MYO3B: variants seen among roughly 807,000 people sequenced by gnomAD.
MYO3B encodes myosin-IIIb.
Under a neutral mutation model 174.6 loss-of-function variants are expected in MYO3B, and 156 were observed. The ratio of observed to expected loss-of-function variants is 0.89; its 90% CI spans 0.78 to 1.02. MYO3B has a LOEUF of 1.02. Ranked by LOEUF, MYO3B falls within the 50% of genes least tolerant of loss-of-function variation. The probability of loss-of-function intolerance (pLI) is 0.00; values close to 1 mark genes in which losing one functional copy is unlikely to be tolerated. For synonymous variants in MYO3B, 563 were observed against 569.1 expected, an observed-to-expected ratio of 0.99 and a Z score of 0.15; for missense variants, 1,632 against 1,639.4, an observed-to-expected ratio of 1.00 and a Z score of 0.08.
At chr2:170,296,334 C>G (rs2093628590) in intron 7 of MYO3B, among the ~76,000 whole-genome samples, 1 of 152,106 alleles carries the variant, frequency 6.6e-6, no homozygotes, top group Non-Finnish European at 1.5e-5. Context: ...TGTGTAGAAG[C>G]TGGAGGTGAA....
At chr2:170,485,653 T>C (rs1686005111) in intron 25 of MYO3B, among the ~76,000 whole-genome samples, 1 of 152,192 alleles carries the variant, frequency 6.6e-6, no homozygotes, top group Non-Finnish European at 1.5e-5. Flanking sequence ...TATTTCCAGT[T>C]GTTTGCTAGC....
chr2:170,546,536 T>G (rs1690496009), intron 32 of MYO3B, among the ~76,000 whole-genome samples: 1 of 152,242 alleles, frequency 6.6e-6, no homozygotes, highest in Non-Finnish European at 1.5e-5. Context: ...TTCATTTTGT[T>G]GCTATTGCTG....
intron 7 of MYO3B, among the ~76,000 whole-genome samples, chr2:170,251,199 C>A (rs971207258): frequency 6.6e-6 from 1 of 152,064 alleles, no homozygotes. Context: ...TATACAGTTT[C>A]TTTGATTCTT....
chr2:170,224,938 C>A (rs1341166796), intron 6 of MYO3B, among the ~76,000 whole-genome samples: 1 of 152,128 alleles, frequency 6.6e-6, no homozygotes, highest in African/African-American at 2.4e-5. Context: ...GTTAATTATG[C>A]CATTCCTAGT....
At chr2:170,277,285 C>T (rs1347393627) in intron 7 of MYO3B, among the ~76,000 whole-genome samples, 1 of 152,198 alleles carries the variant, frequency 6.6e-6, no homozygotes, top group Non-Finnish European at 1.5e-5. Flanking sequence ...GTTGTTAGAG[C>T]ATATTGTGCT....
At chr2:170,390,508 G>C (rs150498162) in intron 14 of MYO3B, among the ~76,000 whole-genome samples, 1,929 of 152,346 alleles carry the variant, frequency 0.013, 31 homozygotes, top group African/African-American at 0.042. Flanking sequence ...CAGGGATAAA[G>C]AATGTCACAG....
intron 32 of MYO3B, among the ~76,000 whole-genome samples, chr2:170,638,687 A>G (rs1385035871): frequency 6.6e-6 from 1 of 152,190 alleles, no homozygotes; most frequent in Admixed American, 6.5e-5. Flanking sequence ...CTCACTGCAC[A>G]CAGATGTTCA....
chr2:170,191,061 A>G (rs1286036084), intron 1 of MYO3B, among the ~76,000 whole-genome samples: 1 of 151,814 alleles, frequency 6.6e-6, no homozygotes, highest in Non-Finnish European at 1.5e-5. Context: ...GCAAGTGATG[A>G]ATCCTGTCAG....
At chr2:170,366,750 G>C (rs2094201430) in intron 8 of MYO3B, among the ~76,000 whole-genome samples, 1 of 152,082 alleles carries the variant, frequency 6.6e-6, no homozygotes, top group Admixed American at 6.6e-5. Context: ...ATAATCTAGA[G>C]AGGGACCCTC....
intron 8 of MYO3B, among the ~76,000 whole-genome samples, chr2:170,360,325 G>A (rs2094151566): frequency 6.6e-6 from 1 of 152,150 alleles, no homozygotes; most frequent in African/African-American, 2.4e-5. Context: ...ATGACTGTTT[G>A]TCAAAATGGA....
chr2:170,257,942 A>G (rs967888681), intron 7 of MYO3B, among the ~76,000 whole-genome samples: 12 of 152,176 alleles, frequency 7.9e-5, no homozygotes, highest in African/African-American at 2.4e-4. Context: ...GAACACCTTC[A>G]TGAACACAAA....
chr2:170,473,767 G>A lies in MYO3B; in HGVS notation c.3014+7056G>A, dbSNP rs756210360. 5.9e-5 allele frequency among the ~76,000 whole-genome samples: 9 copies of A among 151,584 alleles called. No homozygotes were observed. In the South Asian group the frequency reaches 6.3e-4, roughly 11 times the overall value. ...TCTATAACAAAAATGATTTTTTTTC[G>A]AAATCCAAAGAGATAAGCTTAATAG... On this transcript the variant is annotated intron_variant, in intron 25 of 34. Coordinates refer to ENST00000408978, the MANE Select transcript of MYO3B (RefSeq NM_138995.5).
intron 8 of MYO3B, among the ~76,000 whole-genome samples, chr2:170,365,804 C>G (rs772855984): frequency 6.6e-6 from 1 of 152,022 alleles, no homozygotes; most frequent in Non-Finnish European, 1.5e-5. Context: ...TAGACACACC[C>G]GACAGCAATA....
At chr2:170,465,625 C>T (rs1416811053) in intron 24 of MYO3B, among the ~76,000 whole-genome samples, 1 of 152,200 alleles carries the variant, frequency 6.6e-6, no homozygotes, top group Non-Finnish European at 1.5e-5. Context: ...AAGTGATCCT[C>T]AAGATCTTAG....
At chr2:170,445,699 A>T (rs1225433564) in intron 23 of MYO3B, among the ~76,000 whole-genome samples, 2 of 151,822 alleles carry the variant, frequency 1.3e-5, no homozygotes, top group Admixed American at 6.6e-5. Flanking sequence ...TAGTGGCATG[A>T]TCATATCTCA....
At chr2:170,296,809 G>T (rs1453995942) in intron 7 of MYO3B, among the ~76,000 whole-genome samples, 1 of 152,142 alleles carries the variant, frequency 6.6e-6, no homozygotes, top group African/African-American at 2.4e-5. Context: ...TTACAATCAT[G>T]GTGGAAGGTG....
intron 32 of MYO3B, among the ~76,000 whole-genome samples, chr2:170,624,481 T>G (rs1302555905): frequency 2.0e-5 from 3 of 152,226 alleles, no homozygotes; most frequent in Non-Finnish European, 4.4e-5. Context: ...ACGATGGGAC[T>G]TTCTAGATAT....
chr2:170,281,399 C>A (rs886983290), intron 7 of MYO3B, among the ~76,000 whole-genome samples: 1 of 152,034 alleles, frequency 6.6e-6, no homozygotes, highest in Admixed American at 6.6e-5. Context: ...GCAAAAGAAC[C>A]AAAATCACAC....
intron 7 of MYO3B, among the ~76,000 whole-genome samples, chr2:170,320,243 C>T (rs2093814382): frequency 6.6e-6 from 1 of 152,140 alleles, no homozygotes; most frequent in African/African-American, 2.4e-5. Flanking sequence ...GACAAGTTCT[C>T]ACTGTGTTGC....
Sources: allele counts gnomAD v4.1 joint callset (sites outside exome capture counted in the v4.1 genomes callset), GRCh38; gene constraint gnomAD v4.1.1; transcripts MANE v1.5; gene names NCBI Gene and HGNC (gene_info 2026-07-23, HGNC 2026-07-21).